NTM: variants seen among roughly 807,000 people sequenced by gnomAD.
NTM encodes neurotrimin, also known as IgLON family member 2.
A neutral mutation model predicts 42.1 loss-of-function variants in NTM; 13 were observed. The observed-to-expected ratio is 0.31, with a 90% CI of 0.20 to 0.49. NTM has a LOEUF of 0.49. Ranked by LOEUF, NTM falls within the 20% of genes least tolerant of loss-of-function variation. The pLI, the probability that NTM is intolerant of heterozygous loss-of-function variation, is 0.99. For missense variants in NTM, 373 were observed against 452.8 expected (o/e 0.82, Z 1.60); for synonymous variants, 187 against 179.2 (o/e 1.04, Z -0.35).
At chr11:132,020,713 AT>A (rs2074207602) in intron 2 of NTM, among the ~76,000 whole-genome samples, 1 of 152,212 alleles carries the variant, frequency 6.6e-6, no homozygotes, top group South Asian at 2.1e-4. Flanking sequence ...ATGTTATCCC[AT>A]TGCCTTGGCC....
intron 1 of NTM, among the ~76,000 whole-genome samples, chr11:131,681,115 G>A (rs1262862171): frequency 3.3e-5 from 2 of 59,818 alleles, no homozygotes; most frequent in African/African-American, 8.9e-5. Context: ...CTGTGTGTGT[G>A]AGCGTGTGTG....
intron 4 of NTM, among the ~76,000 whole-genome samples, chr11:132,302,553 G>A (rs947736448): frequency 2.6e-5 from 4 of 152,114 alleles, no homozygotes; most frequent in Non-Finnish European, 5.9e-5. Context: ...TGAATTCAAC[G>A]TGTTGTTCTG....
At chr11:131,563,756 C>G (rs1254338655) in intron 1 of NTM, among the ~76,000 whole-genome samples, 1 of 152,042 alleles carries the variant, frequency 6.6e-6, no homozygotes, top group Non-Finnish European at 1.5e-5. Context: ...AGACAATGGC[C>G]TGTGCTTTTT....
At chr11:131,654,772 C>T (rs537131082) in intron 1 of NTM, among the ~76,000 whole-genome samples, 1 of 152,324 alleles carries the variant, frequency 6.6e-6, no homozygotes, top group South Asian at 2.1e-4. Flanking sequence ...CACCCACTCC[C>T]CTTGCCTTTT....
At chr11:131,761,890 G>GCTCTCTCTGTCTC (rs1455518961) in intron 1 of NTM, among the ~76,000 whole-genome samples, 4 of 150,712 alleles carry the variant, frequency 2.7e-5, no homozygotes, top group Non-Finnish European at 5.9e-5. Context: ...GAGCGCGCAT[G>GCTCTCTCTGTCTC]CTCTCTCTGT....
chr11:132,044,126 ATATATGTGTG>A lies in NTM; in HGVS notation c.168-102154_168-102145del, dbSNP rs1566016194. Among the ~76,000 whole-genome samples the A allele has an allele frequency of 5.4e-4, 28 of 51,494 alleles. No individual in the cohort carries two copies. The East Asian group carries it at 0.053, about 97-fold the overall frequency. 33.8% of individuals were successfully genotyped at this position (51,494 alleles called of 152,430 possible). On this transcript the variant is annotated intron_variant, in intron 2 of 8. Coordinates refer to ENST00000683400, the MANE Select transcript of NTM (RefSeq NM_001352005.2). ...TATGTGTGTATGTGTATGTGTGTGT[ATATATGTGTG>A]TGTGTATGTGCGTGTGTGTGTGTGT...
intron 1 of NTM, among the ~76,000 whole-genome samples, chr11:131,714,466 C>T (rs2077484127): frequency 1.3e-5 from 2 of 152,190 alleles, no homozygotes; most frequent in African/African-American, 4.8e-5. Flanking sequence ...GTTGGGATTA[C>T]AGATGTGAGC....
intron 2 of NTM, among the ~76,000 whole-genome samples, chr11:132,119,295 G>A (rs1399503906): frequency 6.6e-6 from 1 of 152,136 alleles, no homozygotes; most frequent in Non-Finnish European, 1.5e-5. Flanking sequence ...GCTACAGTTG[G>A]GCAAATTTTC....
At chr11:132,009,430 T>G (rs1380527686) in intron 2 of NTM, among the ~76,000 whole-genome samples, 1 of 151,806 alleles carries the variant, frequency 6.6e-6, no homozygotes, top group Non-Finnish European at 1.5e-5. Flanking sequence ...AGAGAAAGAG[T>G]GTGAGCAGAA....
At position 131,449,682 on chromosome 11, in the gene NTM, C is replaced by T. The variant is rs147605998; in HGVS notation, c.82+78794C>T. Among the ~76,000 whole-genome samples the T allele has an allele frequency of 1.2e-3, 189 of 152,316 alleles. 1 individual carries two copies. Among genetic ancestry groups the T allele is most frequent in the African/African-American group, 4.0e-3 (166 of 41,564 alleles). On this transcript the variant is annotated intron_variant, in intron 1 of 8. Transcript: ENST00000683400. ...TCTTGTGGTAATTTCCACCAGCTGG[C>T]CCTTCAGAGAAGCGTGTGTGTGTCC... is the stretch of plus-strand genomic sequence containing the variant.
At chr11:131,988,489 G>A (rs1368143442) in intron 2 of NTM, among the ~76,000 whole-genome samples, 1 of 152,130 alleles carries the variant, frequency 6.6e-6, no homozygotes, top group Non-Finnish European at 1.5e-5. Flanking sequence ...AGTTACAATG[G>A]AGCTATCCTT....
At chr11:132,290,865 A>G (rs2094434046) in intron 4 of NTM, among the ~76,000 whole-genome samples, 2 of 152,192 alleles carry the variant, frequency 1.3e-5, no homozygotes, top group Non-Finnish European at 2.9e-5. Flanking sequence ...AACCTGAAAG[A>G]AAGAAGGCGA....
intron 1 of NTM, among the ~76,000 whole-genome samples, chr11:131,671,931 T>G (rs773591298): frequency 3.2e-4 from 48 of 152,120 alleles, no homozygotes; most frequent in Non-Finnish European, 6.2e-4. Flanking sequence ...AAGAGGCCTC[T>G]GTCCCGGCTC....
intron 1 of NTM, among the ~76,000 whole-genome samples, chr11:131,882,512 A>G (rs968583553): frequency 4.6e-5 from 7 of 152,224 alleles, no homozygotes; most frequent in African/African-American, 1.7e-4. Flanking sequence ...CAATATCTGG[A>G]TGCTGTGGCC....
At chr11:131,468,729 G>A (rs7933020) in intron 1 of NTM, among the ~76,000 whole-genome samples, 35,501 of 152,146 alleles carry the variant, frequency 0.23, 7,730 homozygotes, top group East Asian at 0.69. Context: ...AGATTTGAGT[G>A]GGCAGGAGCA....
chr11:131,564,457 GGAGGGAGA>G (rs2056627251), intron 1 of NTM, among the ~76,000 whole-genome samples: 1 of 125,716 alleles, frequency 8.0e-6, no homozygotes, highest in African/African-American at 3.6e-5. Context: ...AGAGAGAGAG[GGAGGGAGA>G]GAGAGAGAGC....
intron 2 of NTM, among the ~76,000 whole-genome samples, chr11:132,117,443 G>A (rs1419398531): frequency 6.6e-6 from 1 of 152,174 alleles, no homozygotes; most frequent in Non-Finnish European, 1.5e-5. Context: ...TTCTGCTGAT[G>A]GAAGGAGTGA....
At chr11:132,292,840 A>G (rs2094496360) in intron 4 of NTM, among the ~76,000 whole-genome samples, 1 of 150,278 alleles carries the variant, frequency 6.7e-6, no homozygotes, top group African/African-American at 2.4e-5. Context: ...CGGGGGATTT[A>G]AATCCCTAGT....
intron 4 of NTM, among the ~76,000 whole-genome samples, chr11:132,288,503 A>G (rs750702271): frequency 1.6e-4 from 25 of 152,274 alleles, no homozygotes; most frequent in African/African-American, 5.8e-4. Context: ...CAATTCATGT[A>G]TAGAACACCA....
Sources: gnomAD v4.1 joint callset for allele counts (sites outside exome capture counted in the v4.1 genomes callset) on GRCh38, gnomAD v4.1.1 for gene constraint, MANE v1.5 for transcripts, NCBI Gene and HGNC (gene_info 2026-07-23, HGNC 2026-07-21) for gene names.